The following ASIC2 variants were observed in gnomAD, a reference collection of about 807,000 sequenced individuals.
ASIC2 encodes the protein acid-sensing ion channel 2.
ASIC2 carries 25 observed loss-of-function variants against 57.3 expected under a neutral mutation model. The observed-to-expected ratio is 0.44, with a 90% CI of 0.32 to 0.61. The LOEUF is 0.61. Ranked by LOEUF, ASIC2 falls within the 20% of genes least tolerant of loss-of-function variation. The probability of loss-of-function intolerance (pLI) is 0.06; values close to 1 mark genes in which losing one functional copy is unlikely to be tolerated. For missense variants in ASIC2, 641 were observed against 738.1 expected (o/e 0.87, Z 1.52); for synonymous variants, 319 against 307.5 (o/e 1.04, Z -0.39).
At chr17:33,855,114 C>T (rs1230570632) in intron 1 of ASIC2, among the ~76,000 whole-genome samples, 1 of 152,118 alleles carries the variant, frequency 6.6e-6, no homozygotes, top group Non-Finnish European at 1.5e-5. Flanking sequence ...ACCAATTGTG[C>T]AGGCCAAGTT....
intron 1 of ASIC2, among the ~76,000 whole-genome samples, chr17:34,043,140 A>G (rs913449601): frequency 6.6e-6 from 1 of 152,158 alleles, no homozygotes; most frequent in Non-Finnish European, 1.5e-5. Context: ...GGGAAGAAGG[A>G]AGGGCATGGT....
intron 1 of ASIC2, among the ~76,000 whole-genome samples, chr17:34,108,859 A>T (rs1301222581): frequency 6.6e-6 from 1 of 152,036 alleles, no homozygotes; most frequent in East Asian, 1.9e-4. Flanking sequence ...ATTGACCCTT[A>T]TATGTTAAAA....
At chr17:33,174,336 G>A (rs1327914077) in intron 1 of ASIC2, among the ~76,000 whole-genome samples, 2 of 151,324 alleles carry the variant, frequency 1.3e-5, no homozygotes, top group Non-Finnish European at 2.9e-5. Flanking sequence ...TGGGAGAATC[G>A]CTTGAACCTG....
At chr17:34,066,224 C>T (rs1373991650) in intron 1 of ASIC2, among the ~76,000 whole-genome samples, 1 of 152,160 alleles carries the variant, frequency 6.6e-6, no homozygotes, top group Non-Finnish European at 1.5e-5. Context: ...GTTCACAAAC[C>T]ATGGAGATAA....
chr17:33,249,503 G>A (rs930908425), intron 1 of ASIC2, among the ~76,000 whole-genome samples: 3 of 152,170 alleles, frequency 2.0e-5, no homozygotes, highest in African/African-American at 4.8e-5. Context: ...CTAGGAGGTT[G>A]GGGAGAAGAG....
chr17:33,854,183 T>C (rs72816945), intron 1 of ASIC2, among the ~76,000 whole-genome samples: 25,178 of 152,214 alleles, frequency 0.17, 2,488 homozygotes, highest in South Asian at 0.23. Context: ...TGGCCTAGCA[T>C]CAACTCCAGC....
chr17:33,227,723 A>G (rs1482253343), intron 1 of ASIC2, among the ~76,000 whole-genome samples: 1 of 152,194 alleles, frequency 6.6e-6, no homozygotes, highest in African/African-American at 2.4e-5. Context: ...ATAAAAACCC[A>G]ATCTGATAGG....
intron 1 of ASIC2, among the ~76,000 whole-genome samples, chr17:33,795,944 T>C (rs1186602268): frequency 6.6e-6 from 1 of 152,232 alleles, no homozygotes; most frequent in African/African-American, 2.4e-5. Context: ...TGGCAGAAAT[T>C]CATGAATACT....
At chr17:33,767,403 T>C (rs1276819502) in intron 1 of ASIC2, among the ~76,000 whole-genome samples, 3 of 152,244 alleles carry the variant, frequency 2.0e-5, no homozygotes, top group Admixed American at 6.5e-5. Flanking sequence ...CATATAAATG[T>C]GTTTGCGTAT....
intron 3 of ASIC2, among the ~76,000 whole-genome samples, chr17:33,065,262 G>A (rs114209889): frequency 0.013 from 1,936 of 151,976 alleles, 40 homozygotes; most frequent in African/African-American, 0.044. Flanking sequence ...CTGTGGCCTC[G>A]AACTCCTGGG....
chr17:33,869,043 C>A (rs908584951), intron 1 of ASIC2, among the ~76,000 whole-genome samples: 3 of 152,048 alleles, frequency 2.0e-5, no homozygotes, highest in Non-Finnish European at 4.4e-5. Flanking sequence ...CCACCCTGGG[C>A]AACAGAGTGA....
chr17:33,761,940 T>G (rs938147174), intron 1 of ASIC2, among the ~76,000 whole-genome samples: 1 of 147,940 alleles, frequency 6.8e-6, no homozygotes, highest in Non-Finnish European at 1.5e-5. Flanking sequence ...AGTCAGGGGG[T>G]AGGGATGGAA....
At chr17:33,399,782 T>A (rs1910215352) in intron 1 of ASIC2, among the ~76,000 whole-genome samples, 1 of 152,154 alleles carries the variant, frequency 6.6e-6, no homozygotes. Context: ...AAGGAGCGTG[T>A]GTGTGTTTGT....
intron 1 of ASIC2, among the ~76,000 whole-genome samples, chr17:33,758,184 G>A (rs373408564): frequency 6.6e-6 from 1 of 152,164 alleles, no homozygotes; most frequent in East Asian, 1.9e-4. Flanking sequence ...GTGTGTGTGT[G>A]TATATATGTG....
At chr17:33,604,623 G>GCCACCTCGCCAC (rs1467701561) in intron 1 of ASIC2, among the ~76,000 whole-genome samples, 2 of 152,132 alleles carry the variant, frequency 1.3e-5, no homozygotes, top group African/African-American at 4.8e-5. Flanking sequence ...AGTGAATTGG[G>GCCACCTCGCCAC]TCCTCAGAGA....
chr17:34,022,641 C>A lies in ASIC2; in HGVS notation c.555+133337G>T, dbSNP rs73986814. Among the ~76,000 whole-genome samples the A allele has an allele frequency of 3.8e-3, 469 of 124,452 alleles. 2 individuals carry two copies. Among genetic ancestry groups the A allele is most frequent in the African/African-American group, 0.011 (369 of 34,282 alleles). The allele number at this position is 124,452 out of a possible 152,430, so 81.6% of individuals were successfully genotyped here. ...TGCAATTTCCCATGAAAAAAAAAAA[C>A]AAAAAAAAAAACAAAAAAACAGCCC... On this transcript the variant is annotated intron_variant, in intron 1 of 9. Transcript: ENST00000359872.
intron 1 of ASIC2, among the ~76,000 whole-genome samples, chr17:34,010,369 C>T (rs564397519): frequency 6.6e-6 from 1 of 152,130 alleles, no homozygotes; most frequent in Non-Finnish European, 1.5e-5. Context: ...TAGTGGCCTC[C>T]CCTTCTGAAA....
At chr17:33,569,919 C>T (rs560938140) in intron 1 of ASIC2, among the ~76,000 whole-genome samples, 1 of 152,248 alleles carries the variant, frequency 6.6e-6, no homozygotes, top group Non-Finnish European at 1.5e-5. Context: ...CTATATGAAC[C>T]CTTCCTTAGC....
chr17:33,266,554 C>A (rs1294042502), intron 1 of ASIC2, among the ~76,000 whole-genome samples: 1 of 109,284 alleles, frequency 9.2e-6, no homozygotes, highest in Non-Finnish European at 1.7e-5. Flanking sequence ...ACCCCCCACC[C>A]CCAGTTGCAG....
Sources: allele counts gnomAD v4.1 joint callset (sites outside exome capture counted in the v4.1 genomes callset), GRCh38; gene constraint gnomAD v4.1.1; transcripts MANE v1.5; gene names NCBI Gene and HGNC (gene_info 2026-07-23, HGNC 2026-07-21).